GRHL3: variants seen among roughly 807,000 people sequenced by gnomAD.
GRHL3 encodes grainyhead-like protein 3 homolog.
GRHL3 carries 20 observed loss-of-function variants against 70.3 expected under a neutral mutation model. The observed-to-expected ratio is 0.28, with a 90% CI of 0.20 to 0.41. The LOEUF (loss-of-function observed/expected upper bound fraction) is 0.41, where lower values mean the gene tolerates loss of function less well. Among genes scored for constraint, GRHL3 ranks in the 10% least tolerant of loss-of-function variants. The pLI is 1.00. For synonymous variants in GRHL3, 299 were observed against 299.9 expected (o/e 1.00, Z 0.03); for missense variants, 637 against 762.3 (o/e 0.84, Z 1.94).
Position 24,342,927 on chromosome 1 carries a change from A to T in GRHL3, c.1321A>T (p.Asn441Tyr). Residue 441 changes from asparagine (N) to tyrosine (Y), a missense_variant, in exon 11 of 16, where the codon AAT becomes TAT. By Grantham distance (143) the Asn-to-Tyr change is moderately radical. Around this residue, in one of 2 missense-constraint regions of GRHL3, gnomAD observed 387 missense variants for 513.8 expected, o/e 0.75. Transcript: ENST00000361548. This position sits in a 1 kb window ranked among gnomAD's most constrained non-coding sequence, Gnocchi z 4.8. The part of the protein sequence containing the change: ...KGCLLSGFRG[N>Y]ETTYLRPETD... ...CTGCCTGCTGTCGGGCTTCAGGGGC[A>T]ATGAGACGACCTACCTTCGGCCAGA... is the stretch of plus-strand genomic sequence containing the variant. 6.2e-7 allele frequency: 1 copy of T among 1,614,088 alleles called. No individual in the cohort carries two copies. The highest frequency in any genetic ancestry group is 1.1e-5 in the South Asian group (1 of 91,074).
chr1:24,336,638 C>T lies in GRHL3; in HGVS notation c.423C>T (p.Thr141=). ...NLMSLEGALP[T]PGKAAPLPAG... ...TGAGCTTGGAGGGGGCCTTGCCCAC[C>T]CCTGGCAAGGCAGCTCCCCTCCCTG... Residue 141 remains threonine, a synonymous_variant, in exon 4 of 16, where the codon ACC becomes ACT. Coordinates refer to ENST00000361548, the MANE Select transcript of GRHL3 (RefSeq NM_198173.3). 6.2e-7 allele frequency: 1 copy of T among 1,614,088 alleles called. No individual in the cohort carries two copies.
intron 3 of GRHL3, among the ~76,000 whole-genome samples, chr1:24,335,751 A>G (rs1639779766): frequency 1.3e-5 from 2 of 151,536 alleles, no homozygotes; most frequent in Non-Finnish European, 2.9e-5. Flanking sequence ...CCCGGCTAAT[A>G]TTTTGTATTT....
At chr1:24,355,711 C>A (rs12031179), downstream of GRHL3, among the ~76,000 whole-genome samples, 37,020 of 152,140 alleles carry the variant, frequency 0.24, 5,211 homozygotes, top group East Asian at 0.43. Flanking sequence ...ACGTTCCCTG[C>A]AGCCAGCTCC....
downstream of GRHL3, chr1:24,358,470 C>T (rs188812225): frequency 1.5e-6 from 2 of 1,299,880 alleles, no homozygotes; most frequent in African/African-American, 2.9e-5. Context: ...CGGTCTCCTC[C>T]TGAGGAATGT....
chr1:24,331,475 T>G lies in GRHL3; in HGVS notation c.67T>G (p.Phe23Val), dbSNP rs746854063. The G allele has an allele frequency of 2.5e-6, 4 of 1,613,830 alleles. No homozygotes were observed. Among genetic ancestry groups the G allele is most frequent in the Non-Finnish European group, 3.4e-6 (4 of 1,179,840 alleles). ...GAACGACCCAGTCAACTTGCAGAAA[T>G]TCTCTTACACTAGTGAGGATGAGGC... ...LKNDPVNLQKFSYTSEDEAWK... is the reference protein window; with the variant it reads ...LKNDPVNLQKVSYTSEDEAWK... The change falls in exon 2 of 16, where the codon TTC (phenylalanine) becomes GTC (valine). Residue 23 changes from phenylalanine to valine, a missense_variant. Coordinates refer to ENST00000361548, the MANE Select transcript of GRHL3 (RefSeq NM_198173.3).
At chr1:24,364,337 T>A in exon 16 of GRHL3, 1 of 1,548,630 alleles carries the variant, frequency 6.5e-7, no homozygotes, top group Non-Finnish European at 8.7e-7. Flanking sequence ...CCCACCACCG[T>A]CAACAGCCTG....
chr1:24,340,010 G>C (rs546510113), intron 8 of GRHL3, among the ~76,000 whole-genome samples: 63 of 152,308 alleles, frequency 4.1e-4, no homozygotes, highest in African/African-American at 1.5e-3. Flanking sequence ...CTGAGCCTAA[G>C]TTGTTTTGAC....
chr1:24,360,949 T>A, intron 15 of GRHL3: 1 of 1,614,042 alleles, frequency 6.2e-7, no homozygotes, highest in Non-Finnish European at 8.5e-7. Context: ...GGGGCCTAAG[T>A]AGTCCACGAT....
At chr1:24,329,191 C>T (rs1216195495) in intron 1 of GRHL3, among the ~76,000 whole-genome samples, 1 of 152,218 alleles carries the variant, frequency 6.6e-6, no homozygotes, top group African/African-American at 2.4e-5. Flanking sequence ...CTCCCTTCCT[C>T]TCAGAGCCCA....
At chr1:24,345,091 C>T (rs112534082) in intron 12 of GRHL3, among the ~76,000 whole-genome samples, 160 bp downstream of exon 12, 996 of 4,314 alleles carry the variant, frequency 0.23, no homozygotes, top group Non-Finnish European at 0.31. Context: ...TACACCTGTG[C>T]CCCTCCACAC....
chr1:24,348,210 C>A (rs1163403307), intron 14 of GRHL3, among the ~76,000 whole-genome samples: 1 of 152,224 alleles, frequency 6.6e-6, no homozygotes, highest in African/African-American at 2.4e-5. Context: ...CGCTAGCTGA[C>A]CTTTGTTGAA....
At chr1:24,358,551 C>T, downstream of GRHL3, 1 of 1,613,622 alleles carries the variant, frequency 6.2e-7, no homozygotes, top group African/African-American at 1.3e-5. Flanking sequence ...CCCTACAGAA[C>T]CGGGATCCAT....
In GRHL3 at chr1:24,322,337, G is replaced by A. The variant is rs2148643892; in HGVS notation, c.17+2769G>A. Among the ~76,000 whole-genome samples, 1 of 152,276 alleles carries A rather than the reference G, an allele frequency of 6.6e-6. No individual in the cohort carries two copies. Among genetic ancestry groups the A allele is most frequent in the Non-Finnish European group, 1.5e-5 (1 of 68,012 alleles). On this transcript the variant is annotated intron_variant, in intron 1 of 15. Coordinates refer to ENST00000361548, the MANE Select transcript of GRHL3 (RefSeq NM_198173.3). The surrounding 1 kb of genome is among the most constrained non-coding windows in gnomAD (Gnocchi z 4.4). Reference sequence around the variant, plus strand: ...AGTCCTGACCGCGGCCGCCGCCGCCGTTCTATCTGATCTCCAGGAGCGCCG... The same window carrying A: ...AGTCCTGACCGCGGCCGCCGCCGCCATTCTATCTGATCTCCAGGAGCGCCG...
In GRHL3 at chr1:24,338,094, A is replaced by G; in HGVS notation, c.943A>G (p.Ile315Val). The G allele has an allele frequency of 1.2e-6, 2 of 1,606,964 alleles. No individual in the cohort carries two copies. Among genetic ancestry groups the G allele is most frequent in the Middle Eastern group, 1.7e-4 (1 of 6,042 alleles). ...GCAACCCACTGCCAAGCAGCGGGTC[A>G]TTGACGTGGGTGAGAGCCTTCTCAA... ...SRQPTAKQRVIDVADCKENFN... is the reference protein window; with the variant it reads ...SRQPTAKQRVVDVADCKENFN... The change falls in exon 7 of 16, where the codon ATT (isoleucine) becomes GTT (valine). Residue 315 changes from isoleucine (I) to valine (V), a missense_variant. By Grantham distance (29) the Ile-to-Val change is conservative (BLOSUM62 3). Transcript: ENST00000361548.
intron 7 of GRHL3, 37 bp downstream of exon 7, chr1:24,338,140 C>A: frequency 7.3e-7 from 1 of 1,371,154 alleles, no homozygotes. Flanking sequence ...CAGCTCCCCT[C>A]TCTCTCCCCA....
At chr1:24,344,355 G>A (rs1265793693) in intron 11 of GRHL3, among the ~76,000 whole-genome samples, 1 of 152,132 alleles carries the variant, frequency 6.6e-6, no homozygotes, top group Non-Finnish European at 1.5e-5. Context: ...GCCAGGCTTA[G>A]TGGCACACAC....
At chr1:24,364,405 G>A (rs764307330) in exon 16 of GRHL3, 48 of 1,506,324 alleles carry the variant, frequency 3.2e-5, no homozygotes, top group South Asian at 1.3e-4. Flanking sequence ...GAAGGACGAC[G>A]GCAGGTCACA....
Position 24,319,428 on chromosome 1 carries a change from G to C in GRHL3, c.-124G>C, listed in dbSNP as rs539941918. The C allele has an allele frequency of 1.0e-4, 112 of 1,090,726 alleles. No individual in the cohort carries two copies. Among genetic ancestry groups the C allele is most frequent in the Non-Finnish European group, 1.3e-4 (93 of 710,056 alleles). The allele number at this position is 1,090,726 out of a possible 1,614,324, so 67.6% of individuals were successfully genotyped here. A position where few individuals can be genotyped will look rare whatever the true frequency, so the allele number is the denominator to read the frequency against. ...GGAACCTACCTGTCAGCAAAATCTC[G>C]ACACCCAAACCTCAACATAAATCAA... On this transcript the variant is annotated 5_prime_UTR_variant, in exon 1 of 16. Transcript: ENST00000361548.
chr1:24,344,687 C>T (rs527935155), intron 11 of GRHL3, among the ~76,000 whole-genome samples: 1 of 152,010 alleles, frequency 6.6e-6, no homozygotes, highest in African/African-American at 2.4e-5. Context: ...GAGTCCTTGA[C>T]CCATCCAGCT....
Sources: allele counts gnomAD v4.1 joint callset (sites outside exome capture counted in the v4.1 genomes callset), GRCh38; gene constraint gnomAD v4.1.1; regional missense constraint gnomAD v4.1.1; non-coding constraint Gnocchi (gnomAD v3.1); transcripts MANE v1.5; gene names NCBI Gene and HGNC (gene_info 2026-07-23, HGNC 2026-07-21).